The following PDE1A variants were observed in gnomAD, a reference collection of about 807,000 sequenced individuals.
The protein encoded by PDE1A is dual specificity calcium/calmodulin-dependent 3',5'-cyclic nucleotide phosphodiesterase 1A.
PDE1A carries 35 observed loss-of-function variants against 61.7 expected under a neutral mutation model. The observed-to-expected ratio is 0.57, with a 90% CI of 0.43 to 0.75. The LOEUF is 0.75. Ranked by LOEUF, PDE1A falls within the 30% of genes least tolerant of loss-of-function variation. The pLI is 0.00. For synonymous variants in PDE1A, 232 were observed against 213.2 expected, an observed-to-expected ratio of 1.09 and a Z score of -0.77; for missense variants, 597 against 630.6, an observed-to-expected ratio of 0.95 and a Z score of 0.57.
chr2:182,246,021 G>C (rs1247764734), intron 2 of PDE1A, among the ~76,000 whole-genome samples: 1 of 152,150 alleles, frequency 6.6e-6, no homozygotes, highest in Non-Finnish European at 1.5e-5. Flanking sequence ...TCTTGCTCCT[G>C]ACCCCTGTCA....
At chr2:182,459,030 C>A (rs543365393) in intron 2 of PDE1A, among the ~76,000 whole-genome samples, 20 of 152,152 alleles carry the variant, frequency 1.3e-4, no homozygotes, top group South Asian at 1.2e-3. Context: ...ATAATAAACA[C>A]AATAGCAATC....
intron 1 of PDE1A, among the ~76,000 whole-genome samples, chr2:182,309,422 A>G (rs78143173): frequency 0.03 from 4,570 of 152,174 alleles, 120 homozygotes; most frequent in South Asian, 0.11. Flanking sequence ...AGGCATCTCC[A>G]TTTCTGCCAA....
the PDE1A span, among the ~76,000 whole-genome samples, chr2:182,566,472 T>C: frequency 6.6e-6 from 1 of 151,498 alleles, no homozygotes; most frequent in Admixed American, 6.6e-5. Context: ...CAAATATATA[T>C]GATTTAATAC....
At chr2:182,387,961 C>G (rs1002555295) in intron 1 of PDE1A, among the ~76,000 whole-genome samples, 1 of 152,010 alleles carries the variant, frequency 6.6e-6, no homozygotes, top group Admixed American at 6.6e-5. Context: ...TAAGGAAACA[C>G]ATAGACTCAA....
intron 13 of PDE1A, among the ~76,000 whole-genome samples, chr2:182,154,608 T>G (rs1226161750): frequency 6.6e-6 from 1 of 152,192 alleles, no homozygotes; most frequent in Non-Finnish European, 1.5e-5. Flanking sequence ...GGAGGTCTCC[T>G]GCTTCTTGCC....
chr2:182,292,091 G>C (rs1694573955), intron 1 of PDE1A, among the ~76,000 whole-genome samples: 2 of 152,044 alleles, frequency 1.3e-5, no homozygotes, highest in Non-Finnish European at 2.9e-5. Flanking sequence ...ATGTCTCTAT[G>C]ATAAAGGTAA....
chr2:182,143,170 G>C (rs939721325), downstream of PDE1A: 1 of 152,120 alleles, frequency 6.6e-6, no homozygotes, highest in African/African-American at 2.4e-5. Flanking sequence ...TGTAAAACAT[G>C]GTTACTGTAG....
chr2:182,442,860 A>G (rs1407989884), intron 2 of PDE1A, among the ~76,000 whole-genome samples: 1 of 152,098 alleles, frequency 6.6e-6, no homozygotes, highest in Non-Finnish European at 1.5e-5. Context: ...TGCTACATCA[A>G]AACTTTGTGA....
the PDE1A span, among the ~76,000 whole-genome samples, chr2:182,695,266 C>T: frequency 8.5e-5 from 13 of 152,146 alleles, 1 homozygote; most frequent in South Asian, 2.7e-3. Flanking sequence ...GGTCAGAGGG[C>T]AAACCACTGC....
At chr2:182,615,087 G>A in the PDE1A span, among the ~76,000 whole-genome samples, 2 of 152,048 alleles carry the variant, frequency 1.3e-5, no homozygotes, top group Admixed American at 1.3e-4. Flanking sequence ...GAATCCAAAT[G>A]CATGCCATTT....
chr2:182,487,194 G>T (rs908338138), intron 2 of PDE1A, among the ~76,000 whole-genome samples: 27 of 152,132 alleles, frequency 1.8e-4, no homozygotes, highest in Non-Finnish European at 1.5e-5. Flanking sequence ...TTAGAGAAAT[G>T]TAATTTAAAA....
intron 2 of PDE1A, among the ~76,000 whole-genome samples, chr2:182,454,971 C>T (rs912650363): frequency 6.6e-6 from 1 of 151,452 alleles, no homozygotes; most frequent in Non-Finnish European, 1.5e-5. Flanking sequence ...AAACAGGCAA[C>T]CTACAAAATG....
intron 2 of PDE1A, among the ~76,000 whole-genome samples, chr2:182,454,190 A>G (rs1222393525): frequency 6.6e-6 from 1 of 152,182 alleles, no homozygotes; most frequent in African/African-American, 2.4e-5. Flanking sequence ...AGAATAAAAT[A>G]CCTCGGAATC....
chr2:182,608,686 C>T, the PDE1A span, among the ~76,000 whole-genome samples: 1 of 152,226 alleles, frequency 6.6e-6, no homozygotes, highest in East Asian at 1.9e-4. Context: ...TGAGCTTCCG[C>T]CGTGGACTCC....
chr2:182,524,234 T>C (rs1050332794), upstream of PDE1A, among the ~76,000 whole-genome samples: 1 of 152,194 alleles, frequency 6.6e-6, no homozygotes, highest in Non-Finnish European at 1.5e-5. Context: ...CAAACATCTA[T>C]GTTCTGCTTT....
At chr2:182,280,155 A>T (rs1693707436) in intron 1 of PDE1A, among the ~76,000 whole-genome samples, 1 of 151,990 alleles carries the variant, frequency 6.6e-6, no homozygotes, top group Non-Finnish European at 1.5e-5. Context: ...TTTATTACCC[A>T]AAGTAATGAA....
At chr2:182,285,567 A>C (rs1694100510) in intron 1 of PDE1A, among the ~76,000 whole-genome samples, 1 of 152,070 alleles carries the variant, frequency 6.6e-6, no homozygotes, top group African/African-American at 2.4e-5. Context: ...GTAGAGTATA[A>C]CCTTCTTCTC....
the PDE1A span, among the ~76,000 whole-genome samples, chr2:182,555,622 G>C: frequency 6.1e-4 from 93 of 152,206 alleles, no homozygotes; most frequent in Middle Eastern, 0.01. Flanking sequence ...GAAAATGTTT[G>C]AAATGTCATT....
chr2:182,267,197 G>A (rs1559274422), intron 1 of PDE1A, among the ~76,000 whole-genome samples: 1 of 152,060 alleles, frequency 6.6e-6, no homozygotes, highest in Non-Finnish European at 1.5e-5. Context: ...AAATCAAGAG[G>A]CTCTAATGCT....
Sources: allele counts gnomAD v4.1 joint callset (sites outside exome capture counted in the v4.1 genomes callset), GRCh38; gene constraint gnomAD v4.1.1; transcripts MANE v1.5; gene names NCBI Gene and HGNC (gene_info 2026-07-23, HGNC 2026-07-21).